The following PCDHGB6 variants were observed in gnomAD, a reference collection of about 807,000 sequenced individuals.
PCDHGB6 encodes the protein protocadherin gamma-B6.
A neutral mutation model predicts 59.1 loss-of-function variants in PCDHGB6; 51 were observed. That is an observed-to-expected ratio of 0.86 (90% CI 0.69 to 1.09). The LOEUF is 1.09. Ranked by LOEUF, PCDHGB6 falls within the 50% of genes least tolerant of loss-of-function variation. The pLI is 0.00. For synonymous variants in PCDHGB6, 466 were observed against 495.1 expected (o/e 0.94, Z 0.78); for missense variants, 1,148 against 1,205.1 (o/e 0.95, Z 0.70).
chr5:141,476,234 G>A lies in PCDHGB6; in HGVS notation c.2419-18573G>A. 6.2e-7 allele frequency: 1 copy of A among 1,614,070 alleles called. No individual in the cohort carries two copies. The highest frequency in any genetic ancestry group is 8.5e-7 in the Non-Finnish European group (1 of 1,180,014). On this transcript the variant is annotated intron_variant, in intron 1 of 3. Coordinates refer to ENST00000520790, the MANE Select transcript of PCDHGB6 (RefSeq NM_018926.3). The surrounding 1 kb of genome is among the most constrained non-coding windows in gnomAD (Gnocchi z 7.6). Reference sequence around the variant, plus strand: ...GGTCATTCACTATGAGATCCCGGAGGAAAGAGAGAAGGGTTTCGCTGTGGG... The same window carrying A: ...GGTCATTCACTATGAGATCCCGGAGAAAAGAGAGAAGGGTTTCGCTGTGGG...
At chr5:141,509,551 C>T (rs2099877337) in intron 3 of PCDHGB6, among the ~76,000 whole-genome samples, 1 of 152,164 alleles carries the variant, frequency 6.6e-6, no homozygotes, top group South Asian at 2.1e-4. Context: ...CTCATTTAGT[C>T]CTCACAGCAG....
chr5:141,418,694 TATTCC>T, intron 1 of PCDHGB6: 2 of 1,614,044 alleles, frequency 1.2e-6, no homozygotes, highest in Non-Finnish European at 1.7e-6. Flanking sequence ...AGAGATCACT[TATTCC>T]TTCTTTGGTG....
At chr5:141,507,183 C>T (rs2099859036) in intron 3 of PCDHGB6, 1 of 152,428 alleles carries the variant, frequency 6.6e-6, no homozygotes, top group Non-Finnish European at 1.5e-5. Flanking sequence ...TCCTCGAGCT[C>T]TGCTTTATTC....
chr5:141,417,936 A>G (rs1266177574), intron 1 of PCDHGB6: 3 of 1,612,080 alleles, frequency 1.9e-6, no homozygotes, highest in Non-Finnish European at 1.7e-6. Flanking sequence ...CCTTTGTTCT[A>G]CCCCACGCTG....
In PCDHGB6 at chr5:141,413,305, G is replaced by A. The variant is rs780711139; in HGVS notation, c.2418+2685G>A. 1.5e-5 allele frequency: 25 copies of A among 1,613,870 alleles called. No individual in the cohort carries two copies. The South Asian group carries it at 2.0e-4, about 13-fold the overall frequency. ...CTCCTACTCAATTCCTGAGGAATTA[G>A]AGAAAGGCTCTTTCGTGGGCAACAT... is the stretch of plus-strand genomic sequence containing the variant. On this transcript the variant is annotated intron_variant, in intron 1 of 3. Transcript: ENST00000520790.
chr5:141,422,977 G>A (rs1434523351), intron 1 of PCDHGB6: 1 of 1,614,110 alleles, frequency 6.2e-7, no homozygotes, highest in Non-Finnish European at 8.5e-7. Context: ...CCGCTCTGCG[G>A]AACCTGGCTA....
In PCDHGB6 at chr5:141,489,261, A is replaced by C; in HGVS notation, c.2419-5546A>C. 6.4e-7 allele frequency: 1 copy of C among 1,551,956 alleles called. No individual in the cohort carries two copies. Among genetic ancestry groups the C allele is most frequent in the East Asian group, 2.2e-5 (1 of 44,450 alleles). Reference sequence around the variant, plus strand: ...GGGTCATGGGGCCCAAGACACTCCCACAGCTCGCTGGGAAATGGCAAGTGC... The same window carrying C: ...GGGTCATGGGGCCCAAGACACTCCCCCAGCTCGCTGGGAAATGGCAAGTGC... On this transcript the variant is annotated intron_variant, in intron 1 of 3. Coordinates refer to ENST00000520790, the MANE Select transcript of PCDHGB6 (RefSeq NM_018926.3). The surrounding 1 kb of genome is among the most constrained non-coding windows in gnomAD (Gnocchi z 4.5).
intron 2 of PCDHGB6, among the ~76,000 whole-genome samples, chr5:141,504,786 C>A (rs568185327): frequency 6.6e-6 from 1 of 152,014 alleles, no homozygotes; most frequent in South Asian, 2.1e-4. Context: ...TCTCTTGGGG[C>A]CTCCTACATC....
chr5:141,432,343 G>C lies in PCDHGB6; in HGVS notation c.2418+21723G>C, dbSNP rs1174646711. 3 of 1,614,130 alleles carry C rather than the reference G, an allele frequency of 1.9e-6. No homozygotes were observed. On this transcript the variant is annotated intron_variant, in intron 1 of 3. Coordinates refer to ENST00000520790, the MANE Select transcript of PCDHGB6 (RefSeq NM_018926.3). This position sits in a 1 kb window ranked among gnomAD's most constrained non-coding sequence, Gnocchi z 6.0. ...TCGACTACGAGCAGTTCCGAGACTTGCAAGTGAAAGTGATGGCGCGGGACA... is the reference window on the plus strand; with the variant it reads ...TCGACTACGAGCAGTTCCGAGACTTCCAAGTGAAAGTGATGGCGCGGGACA...
chr5:141,477,301 C>T lies in PCDHGB6; in HGVS notation c.2419-17506C>T, dbSNP rs756549446. The T allele has an allele frequency of 6.2e-7, 1 of 1,614,160 alleles. No homozygotes were observed. Among genetic ancestry groups the T allele is most frequent in the East Asian group, 2.2e-5 (1 of 44,872 alleles). Reference sequence around the variant, plus strand: ...TGACCTGCGAAGTTCCACCGGGTCTCCCTTTCAGCCTTACTTCTTCCCTCA... The same window carrying T: ...TGACCTGCGAAGTTCCACCGGGTCTTCCTTTCAGCCTTACTTCTTCCCTCA... On this transcript the variant is annotated intron_variant, in intron 1 of 3. Coordinates refer to ENST00000520790, the MANE Select transcript of PCDHGB6 (RefSeq NM_018926.3). The surrounding 1 kb of genome is among the most constrained non-coding windows in gnomAD (Gnocchi z 4.9).
At chr5:141,460,780 A>G (rs1387522399) in intron 1 of PCDHGB6, among the ~76,000 whole-genome samples, 3 of 152,042 alleles carry the variant, frequency 2.0e-5, no homozygotes, top group Non-Finnish European at 4.4e-5. Context: ...GTATGTATAC[A>G]TATATACACA....
chr5:141,511,276 T>C lies in PCDHGB6; in HGVS notation c.*103T>C. On this transcript the variant is annotated 3_prime_UTR_variant, in exon 4 of 4. Coordinates refer to ENST00000520790, the MANE Select transcript of PCDHGB6 (RefSeq NM_018926.3). ...AGAGTTTCAGGGCTAACCCCCAGAA[T>C]ACTGGTAGGGGCCAAGGCCATGCTC... 6.5e-7 allele frequency: 1 copy of C among 1,538,084 alleles called. No homozygotes were observed. Among genetic ancestry groups the C allele is most frequent in the Non-Finnish European group, 8.8e-7 (1 of 1,140,720 alleles).
chr5:141,455,364 G>C (rs2098820282), intron 1 of PCDHGB6, among the ~76,000 whole-genome samples: 1 of 152,252 alleles, frequency 6.6e-6, no homozygotes, highest in South Asian at 2.1e-4. Flanking sequence ...TAGGCAAGAA[G>C]GAAGGGAGAA....
Position 141,489,147 on chromosome 5 carries a change from A to G in PCDHGB6, c.2419-5660A>G. On this transcript the variant is annotated intron_variant, in intron 1 of 3. Coordinates refer to ENST00000520790, the MANE Select transcript of PCDHGB6 (RefSeq NM_018926.3). The surrounding 1 kb of genome is among the most constrained non-coding windows in gnomAD (Gnocchi z 4.5). ...GCAGTTTTTAAGAGGCTGGAAGGAG[A>G]CATAAGAGACTTCAGCTGCTGCATT... The G allele has an allele frequency of 1.2e-6, 1 of 802,676 alleles. No homozygotes were observed. Among genetic ancestry groups the G allele is most frequent in the Non-Finnish European group, 1.9e-6 (1 of 528,868 alleles). 49.7% of individuals were successfully genotyped at this position (802,676 alleles called of 1,614,324 possible). A position where few individuals can be genotyped will look rare whatever the true frequency, so the allele number is the denominator to read the frequency against.
intron 1 of PCDHGB6, chr5:141,441,182 CA>C (rs1434822697): frequency 6.6e-6 from 1 of 152,140 alleles, no homozygotes; most frequent in African/African-American, 2.4e-5. Flanking sequence ...TCTAATTCCA[CA>C]ATGATTCCCA....
chr5:141,412,233 A>G (rs866840267), intron 1 of PCDHGB6: 4 of 152,256 alleles, frequency 2.6e-5, no homozygotes, highest in Admixed American at 6.5e-5. Context: ...TTAAAAACCT[A>G]TATCACTACA....
At chr5:141,447,437 G>A (rs1435222330) in intron 1 of PCDHGB6, among the ~76,000 whole-genome samples, 3 of 152,128 alleles carry the variant, frequency 2.0e-5, no homozygotes, top group Non-Finnish European at 2.9e-5. Context: ...CGCACCCGGA[G>A]GAAATTTTTA....
chr5:141,482,611 G>C (rs1016481108), intron 1 of PCDHGB6, among the ~76,000 whole-genome samples: 4 of 150,398 alleles, frequency 2.7e-5, no homozygotes, highest in Non-Finnish European at 5.9e-5. Context: ...ACACCTAAAT[G>C]AGCCTGGAGA....
At chr5:141,462,984 T>G (rs1349170605) in intron 1 of PCDHGB6, among the ~76,000 whole-genome samples, 1 of 152,156 alleles carries the variant, frequency 6.6e-6, no homozygotes, top group African/African-American at 2.4e-5. Context: ...ACTTTTGCCT[T>G]GGGCTAATTT....
Sources: gnomAD v4.1 joint callset for allele counts (sites outside exome capture counted in the v4.1 genomes callset) on GRCh38, gnomAD v4.1.1 for gene constraint, Gnocchi (gnomAD v3.1) non-coding constraint, MANE v1.5 for transcripts, NCBI Gene and HGNC (gene_info 2026-07-23, HGNC 2026-07-21) for gene names.